The following DTNB variants were observed in gnomAD, a reference collection of about 807,000 sequenced individuals.
The protein encoded by DTNB is DTN-B.
DTNB carries 63 observed loss-of-function variants against 90.7 expected under a neutral mutation model. The observed-to-expected ratio is 0.69, with a 90% CI of 0.57 to 0.86. The LOEUF (loss-of-function observed/expected upper bound fraction) is 0.86. Ranked by LOEUF, DTNB falls within the 40% of genes least tolerant of loss-of-function variation. The pLI is 0.00. For missense variants in DTNB, 744 were observed against 807.1 expected (o/e 0.92, Z 0.95); for synonymous variants, 277 against 286.7 (o/e 0.97, Z 0.34).
intron 8 of DTNB, among the ~76,000 whole-genome samples, chr2:25,552,846 T>A (rs945045467): frequency 0.022 from 2,562 of 118,606 alleles, 251 homozygotes; most frequent in African/African-American, 0.058. Flanking sequence ...TTTTGATTTT[T>A]TTTTTTTTTT....
chr2:25,472,476 G>A (rs1204996280), intron 10 of DTNB, among the ~76,000 whole-genome samples: 1 of 152,204 alleles, frequency 6.6e-6, no homozygotes, highest in African/African-American at 2.4e-5. Flanking sequence ...GCTGGCAAGG[G>A]TCAGCTCAGA....
chr2:25,545,289 A>G (rs2082176646), intron 8 of DTNB, among the ~76,000 whole-genome samples: 1 of 152,160 alleles, frequency 6.6e-6, no homozygotes, highest in Admixed American at 6.5e-5. Context: ...TGAATGTGCC[A>G]TTTCTAAAGT....
At chr2:25,643,480 G>A (rs2078793914) in intron 2 of DTNB, among the ~76,000 whole-genome samples, 1 of 152,198 alleles carries the variant, frequency 6.6e-6, no homozygotes, top group Non-Finnish European at 1.5e-5. Context: ...CGTTAAAATT[G>A]GGAAGTTGTG....
intron 12 of DTNB, among the ~76,000 whole-genome samples, chr2:25,439,078 G>T (rs1409050935): frequency 6.6e-6 from 1 of 152,204 alleles, no homozygotes; most frequent in Non-Finnish European, 1.5e-5. Flanking sequence ...ATGTATCCTG[G>T]ATGGAACAGA....
intron 5 of DTNB, among the ~76,000 whole-genome samples, chr2:25,602,837 T>C (rs538619272): frequency 3.3e-5 from 5 of 152,234 alleles, no homozygotes; most frequent in Non-Finnish European, 7.3e-5. Context: ...ATTACACTTA[T>C]GCATTTTGAT....
chr2:25,498,246 G>A (rs1005666801), intron 9 of DTNB, among the ~76,000 whole-genome samples: 8 of 152,104 alleles, frequency 5.3e-5, no homozygotes, highest in South Asian at 2.1e-4. Context: ...CTCAGTGCCC[G>A]GGAAATAATT....
intron 10 of DTNB, among the ~76,000 whole-genome samples, chr2:25,472,412 G>A (rs1334097682): frequency 6.6e-6 from 1 of 152,234 alleles, no homozygotes; most frequent in East Asian, 1.9e-4. Flanking sequence ...AGGTCCAAGT[G>A]CTTCTGAGTA....
rs201445140 is a variant in DTNB, at chr2:25,550,421, C to CA, written c.877-18825dup. On this transcript the variant is annotated intron_variant, in intron 8 of 20. Coordinates refer to ENST00000406818, the MANE Select transcript of DTNB (RefSeq NM_021907.5). ...CAAAAACAAAAACAAAACAAACAAA[C>CA]AAAAAAAAACACGGTGCTATTGTTT... 7.0e-3 allele frequency among the ~76,000 whole-genome samples: 1,057 copies of CA among 150,378 alleles called. 12 individuals are homozygous for CA. The highest frequency in any genetic ancestry group is 0.022 in the African/African-American group (908 of 41,010).
intron 9 of DTNB, among the ~76,000 whole-genome samples, chr2:25,495,631 C>G (rs2068674847): frequency 6.6e-6 from 1 of 152,062 alleles, no homozygotes; most frequent in African/African-American, 2.4e-5. Context: ...TCTTGATCTC[C>G]TTGAGTAGCA....
At chr2:25,549,673 G>A (rs2083180770) in intron 8 of DTNB, among the ~76,000 whole-genome samples, 1 of 151,616 alleles carries the variant, frequency 6.6e-6, no homozygotes, top group Non-Finnish European at 1.5e-5. Flanking sequence ...CTTTTTTCTT[G>A]GATCCCATTA....
chr2:25,397,287 G>A (rs1366669892), intron 16 of DTNB, among the ~76,000 whole-genome samples: 1 of 148,670 alleles, frequency 6.7e-6, no homozygotes, highest in Non-Finnish European at 1.5e-5. Flanking sequence ...GCAGTGAGCT[G>A]AGATAGCGCC....
intron 10 of DTNB, among the ~76,000 whole-genome samples, chr2:25,459,216 G>GA (rs1243234845): frequency 1.3e-5 from 2 of 151,746 alleles, no homozygotes; most frequent in African/African-American, 4.8e-5. Flanking sequence ...GAAAAGTTGG[G>GA]AAAAAATGTT....
intron 6 of DTNB, among the ~76,000 whole-genome samples, chr2:25,582,879 T>C (rs1236991529): frequency 6.6e-6 from 1 of 152,122 alleles, no homozygotes; most frequent in Non-Finnish European, 1.5e-5. Flanking sequence ...CCACCTAATA[T>C]TTGAATGCAG....
chr2:25,379,951 GCTT>G (rs747313326), intron 19 of DTNB: 4 of 152,626 alleles, frequency 2.6e-5, no homozygotes, highest in Non-Finnish European at 2.9e-5. Context: ...GTTAGTCTGT[GCTT>G]CTTCTATGTG....
Position 25,528,970 on chromosome 2 carries a change from T to C in DTNB, c.1001+2503A>G, listed in dbSNP as rs148355184. Reference sequence around the variant, plus strand: ...CAGAAGGATGTCAATTCTCCCCAATTTGATCTTTAGATTCAGTGAATCTCT... The same window carrying C: ...CAGAAGGATGTCAATTCTCCCCAATCTGATCTTTAGATTCAGTGAATCTCT... On this transcript the variant is annotated intron_variant, in intron 9 of 20. Coordinates refer to ENST00000406818, the MANE Select transcript of DTNB (RefSeq NM_021907.5). Among the ~76,000 whole-genome samples, 109 of 152,322 alleles carry C rather than the reference T, an allele frequency of 7.2e-4. 3 individuals carry two copies. The East Asian group carries it at 9.2e-3, about 13-fold the overall frequency.
At chr2:25,392,919 A>G (rs1472325856) in intron 16 of DTNB, among the ~76,000 whole-genome samples, 1 of 152,210 alleles carries the variant, frequency 6.6e-6, no homozygotes, top group Non-Finnish European at 1.5e-5. Context: ...CCCTAATACC[A>G]AAACCAGGGA....
chr2:25,403,311 C>T (rs1304552774), intron 16 of DTNB, among the ~76,000 whole-genome samples: 2 of 152,086 alleles, frequency 1.3e-5, no homozygotes, highest in Non-Finnish European at 2.9e-5. Context: ...AGATGGGGTT[C>T]CGCCATGTTG....
rs1321169327 is a variant in DTNB, at chr2:25,412,770, AG to A, written c.1575+6744del. Among the ~76,000 whole-genome samples, 15 of 152,328 alleles carry A rather than the reference AG, an allele frequency of 9.8e-5. No individual in the cohort carries two copies. In the East Asian group the frequency reaches 2.7e-3, roughly 27 times the overall value. On this transcript the variant is annotated intron_variant, in intron 16 of 20. Transcript: ENST00000406818. ...AGCAGTGAAATTTTATGGTGCACTG[AG>A]TCACTGGGAAAAATGGAACCCTAAA...
At chr2:25,579,389 C>T (rs2061214195) in intron 7 of DTNB, among the ~76,000 whole-genome samples, 2 of 151,984 alleles carry the variant, frequency 1.3e-5, no homozygotes, top group Non-Finnish European at 2.9e-5. Flanking sequence ...GATAGGAAAG[C>T]GAGAAAATAA....
Sources: allele counts gnomAD v4.1 joint callset (sites outside exome capture counted in the v4.1 genomes callset), GRCh38; gene constraint gnomAD v4.1.1; transcripts MANE v1.5; gene names NCBI Gene and HGNC (gene_info 2026-07-23, HGNC 2026-07-21).